Variants in STK3 observed in about 807,000 individuals in gnomAD.
STK3 encodes the protein serine/threonine-protein kinase 3.
STK3 carries 41 observed loss-of-function variants against 58.0 expected under a neutral mutation model. The ratio of observed to expected loss-of-function variants is 0.71; its 90% CI spans 0.55 to 0.92. The LOEUF is 0.92. Among genes scored for constraint, STK3 ranks in the 40% least tolerant of loss-of-function variants. The pLI is 0.00. For missense variants in STK3, 479 were observed against 602.7 expected, an observed-to-expected ratio of 0.79 and a Z score of 2.15; for synonymous variants, 170 against 191.0, an observed-to-expected ratio of 0.89 and a Z score of 0.91.
At chr8:98,446,877 T>C (rs1001218130) in intron 1 of STK3, among the ~76,000 whole-genome samples, 3 of 151,978 alleles carry the variant, frequency 2.0e-5, no homozygotes, top group African/African-American at 7.3e-5. Context: ...GAAAATACAG[T>C]ATATATACAC....
At chr8:98,378,244 G>C (rs539276089) in intron 2 of STK3, among the ~76,000 whole-genome samples, 2 of 152,314 alleles carry the variant, frequency 1.3e-5, no homozygotes, top group South Asian at 4.1e-4. Flanking sequence ...CTGTTCCTTT[G>C]CAAGCATCCA....
intron 6 of STK3, among the ~76,000 whole-genome samples, chr8:98,623,771 A>C (rs1259306501): frequency 6.6e-6 from 1 of 152,182 alleles, no homozygotes; most frequent in Non-Finnish European, 1.5e-5. Context: ...GAGACAGAGC[A>C]AGACCCTGCC....
At chr8:98,864,503 T>A (rs1837060557) in intron 3 of STK3, among the ~76,000 whole-genome samples, 1 of 152,222 alleles carries the variant, frequency 6.6e-6, no homozygotes, top group African/African-American at 2.4e-5. Flanking sequence ...TGGTAATGTC[T>A]GTTTTCATAT....
chr8:98,738,185 A>C (rs1368416380), intron 4 of STK3, among the ~76,000 whole-genome samples: 1 of 152,164 alleles, frequency 6.6e-6, no homozygotes, highest in Non-Finnish European at 1.5e-5. Flanking sequence ...CTTATTCTAA[A>C]ACTTATGTGA....
At chr8:98,479,944 A>G (rs959027780) in intron 10 of STK3, among the ~76,000 whole-genome samples, 4 of 152,224 alleles carry the variant, frequency 2.6e-5, no homozygotes, top group African/African-American at 4.8e-5. Flanking sequence ...GAAAAATTCA[A>G]TATCTGAAAT....
chr8:98,531,923 T>G (rs1826196903), intron 9 of STK3, among the ~76,000 whole-genome samples: 1 of 152,242 alleles, frequency 6.6e-6, no homozygotes, highest in African/African-American at 2.4e-5. Context: ...TTAAACAGAG[T>G]TAGAGCCTTG....
downstream of STK3, among the ~76,000 whole-genome samples, chr8:98,368,583 G>C (rs1241651726): frequency 2.0e-5 from 3 of 152,214 alleles, no homozygotes. Flanking sequence ...CATGTCCAGG[G>C]TTAGGTTAGG....
At chr8:98,717,494 G>A (rs1827106626) in intron 4 of STK3, among the ~76,000 whole-genome samples, 1 of 152,028 alleles carries the variant, frequency 6.6e-6, no homozygotes, top group Admixed American at 6.6e-5. Context: ...CATTATGACG[G>A]CTATTATCAA....
Position 98,691,450 on chromosome 8 carries a change from T to C in STK3, c.684+15017A>G, listed in dbSNP as rs545693608. ...ATTGAAAGATCTCTCAATATAGTGA[T>C]TACAAAGAAGACATACAAAGGGACT... On this transcript the variant is annotated intron_variant, in intron 6 of 10. Coordinates refer to ENST00000419617, the MANE Select transcript of STK3 (RefSeq NM_006281.4). Among the ~76,000 whole-genome samples, 4 of 152,190 alleles carry C rather than the reference T, an allele frequency of 2.6e-5. No individual in the cohort carries two copies. In the South Asian group the frequency reaches 8.3e-4, roughly 32 times the overall value.
chr8:98,526,967 A>G, intron 9 of STK3, 50 bp from the exon 10 acceptor site: 2 of 1,352,612 alleles, frequency 1.5e-6, no homozygotes, highest in South Asian at 4.9e-5. Context: ...ACATTTAAGG[A>G]AGTATTTTCT....
intron 6 of STK3, among the ~76,000 whole-genome samples, chr8:98,695,147 T>C (rs1436516902): frequency 6.6e-6 from 1 of 152,264 alleles, no homozygotes; most frequent in African/African-American, 2.4e-5. Flanking sequence ...CATAAATGTC[T>C]TCTCTGAGAA....
chr8:98,861,205 A>T (rs1407033455), intron 3 of STK3, among the ~76,000 whole-genome samples: 1 of 152,112 alleles, frequency 6.6e-6, no homozygotes, highest in Non-Finnish European at 1.5e-5. Context: ...CAGGGTTTGA[A>T]TGATCCCTAA....
At chr8:98,415,400 G>A (rs569363178) in intron 3 of STK3, among the ~76,000 whole-genome samples, 24 of 152,110 alleles carry the variant, frequency 1.6e-4, no homozygotes, top group Non-Finnish European at 3.1e-4. Flanking sequence ...GATAGTAGTC[G>A]GCATTACTTC....
intron 6 of STK3, among the ~76,000 whole-genome samples, chr8:98,696,600 A>G (rs1196362538): frequency 1.3e-5 from 2 of 152,216 alleles, no homozygotes; most frequent in African/African-American, 4.8e-5. Context: ...CCTTTTCTGC[A>G]TCTATTGAGA....
In STK3 at chr8:98,770,128, C is replaced by T. The variant is rs540374395; in HGVS notation, c.108-2757G>A. Among the ~76,000 whole-genome samples the T allele has an allele frequency of 2.0e-5, 3 of 152,082 alleles. No individual in the cohort carries two copies. The South Asian group carries it at 6.3e-4, about 32-fold the overall frequency. On this transcript the variant is annotated intron_variant, in intron 2 of 10. Coordinates refer to ENST00000419617, the MANE Select transcript of STK3 (RefSeq NM_006281.4). ...AATCCTATCAAGCCTCCCTTGATAC[C>T]AAAAGCAACTCTGCCCTCCTGTCTG... is the stretch of plus-strand genomic sequence containing the variant.
chr8:98,568,113 AC>A (rs1812656059), intron 8 of STK3, among the ~76,000 whole-genome samples: 1 of 152,112 alleles, frequency 6.6e-6, no homozygotes, highest in South Asian at 2.1e-4. Context: ...AGATAGATAG[AC>A]TGATTTAAAA....
the STK3 span, among the ~76,000 whole-genome samples, chr8:98,346,035 C>T: frequency 6.6e-6 from 1 of 152,030 alleles, no homozygotes; most frequent in South Asian, 2.1e-4. Flanking sequence ...CCTGTAATCC[C>T]AGCACTTTGG....
At chr8:98,672,510 C>T (rs1822907131) in intron 6 of STK3, among the ~76,000 whole-genome samples, 1 of 152,154 alleles carries the variant, frequency 6.6e-6, no homozygotes, top group South Asian at 2.1e-4. Context: ...CTCTCATCTA[C>T]ATGTCCTCAA....
At chr8:98,493,028 T>G (rs1416342765) in intron 10 of STK3, among the ~76,000 whole-genome samples, 2 of 151,490 alleles carry the variant, frequency 1.3e-5, no homozygotes, top group African/African-American at 2.4e-5. Context: ...CCCAGGAGTT[T>G]GAGACCGGCC....
Sources: allele counts gnomAD v4.1 joint callset (sites outside exome capture counted in the v4.1 genomes callset), GRCh38; gene constraint gnomAD v4.1.1; transcripts MANE v1.5; gene names NCBI Gene and HGNC (gene_info 2026-07-23, HGNC 2026-07-21).